The following SLK variants were observed in gnomAD, a reference collection of about 807,000 sequenced individuals.
SLK encodes the protein STE20 like kinase.
SLK carries 67 observed loss-of-function variants against 147.7 expected under a neutral mutation model. That is an observed-to-expected ratio of 0.45 (90% CI 0.37 to 0.56). The LOEUF (loss-of-function observed/expected upper bound fraction) is 0.56, where lower values mean the gene tolerates loss of function less well. Among genes scored for constraint, SLK ranks in the 20% least tolerant of loss-of-function variants. SLK has a pLI of 0.00. For missense variants in SLK, 1,136 were observed against 1,438.8 expected, an observed-to-expected ratio of 0.79 and a Z score of 3.41; for synonymous variants, 441 against 475.0, an observed-to-expected ratio of 0.93 and a Z score of 0.93.
intron 1 of SLK, among the ~76,000 whole-genome samples, chr10:103,979,394 C>A (rs1294567792): frequency 6.6e-6 from 1 of 152,156 alleles, no homozygotes; most frequent in South Asian, 2.1e-4. Context: ...TATAAAGTCT[C>A]TTAAAATTTT....
chr10:103,992,954 C>G (rs777341839), intron 3 of SLK, 30 bp from the exon 4 acceptor site: 1 of 1,549,270 alleles, frequency 6.5e-7, no homozygotes, highest in South Asian at 1.2e-5. Flanking sequence ...GTATAAAAAG[C>G]AGATTTTTTT....
Position 104,002,505 on chromosome 10 carries a change from G to A in SLK, c.1327G>A (p.Asp443Asn), listed in dbSNP as rs776323344. 2.8e-5 allele frequency: 45 copies of A among 1,612,734 alleles called. 1 individual carries two copies. The highest frequency in any genetic ancestry group is 1.6e-4 in the South Asian group (15 of 91,024). ...TGACACAGAAGACCAAGAAACTGTG[G>A]ACATTAATTCAGTCAGTGAAGGAAA... is the stretch of plus-strand genomic sequence containing the variant. ...LPDTEDQETV[D>N]INSVSEGKEN... Residue 443 changes from aspartate (D) to asparagine (N), a missense_variant, in exon 9 of 19, where the codon GAC (aspartate) becomes AAC (asparagine). Coordinates refer to ENST00000369755, the MANE Select transcript of SLK (RefSeq NM_014720.4).
chr10:103,972,121 T>G (rs1384443513), intron 1 of SLK, among the ~76,000 whole-genome samples: 1 of 152,250 alleles, frequency 6.6e-6, no homozygotes, highest in Non-Finnish European at 1.5e-5. Context: ...CACATAGAGC[T>G]GTAGTTCTTT....
rs969185444 is a variant in SLK at position 104,018,897 on chromosome 10, C to T, written c.3121C>T (p.Arg1041Cys). 18 of 1,590,914 alleles carry T rather than the reference C, an allele frequency of 1.1e-5. No individual in the cohort carries two copies. The highest frequency in any genetic ancestry group is 1.5e-5 in the Non-Finnish European group (18 of 1,171,984). The change falls in exon 15 of 19, where the codon CGC (arginine) becomes TGC (cysteine). Residue 1041 changes from arginine (R) to cysteine (C), a missense_variant. Physicochemically the swap from Arg to Cys is radical, Grantham distance 180. Around this residue, in one of 6 missense-constraint regions of SLK, gnomAD observed 327 missense variants for 457.5 expected, o/e 0.71. Coordinates refer to ENST00000369755, the MANE Select transcript of SLK (RefSeq NM_014720.4). ...YFMQRHQLLK[R>C]HEKETEQMQR... Reference sequence around the variant, plus strand: ...CATGCAAAGACATCAGCTACTTAAGCGCCACGAGAAGGTTAATGAAAGGAA... The same window carrying T: ...CATGCAAAGACATCAGCTACTTAAGTGCCACGAGAAGGTTAATGAAAGGAA...
rs1253575364 is a variant in SLK at position 104,002,967 on chromosome 10, A to C, written c.1789A>C (p.Thr597Pro). The C allele has an allele frequency of 6.2e-7, 1 of 1,613,480 alleles. No individual in the cohort carries two copies. Among genetic ancestry groups the C allele is most frequent in the Non-Finnish European group, 8.5e-7 (1 of 1,179,520 alleles). Residue 597 changes from threonine (T) to proline (P), a missense_variant, in exon 9 of 19, where the codon ACT becomes CCT. By Grantham distance (38) the Thr-to-Pro change is conservative. Transcript: ENST00000369755. Reference protein sequence around the residue: ...KPMVGPEAGGTKEVPIKEIVE... With the variant: ...KPMVGPEAGGPKEVPIKEIVE... ...CATGGTGGGTCCTGAGGCTGGTGGT[A>C]CTAAGGAAGTTCCTATTAAAGAAAT...
chr10:103,972,626 C>T (rs1843808667), intron 1 of SLK, among the ~76,000 whole-genome samples: 2 of 150,624 alleles, frequency 1.3e-5, no homozygotes, highest in Middle Eastern at 3.4e-3. Context: ...GAGCCGGGAT[C>T]GCACCACTGC....
At chr10:104,020,692 C>A in intron 17 of SLK, 79 bp downstream of exon 17, 4 of 1,448,416 alleles carry the variant, frequency 2.8e-6, no homozygotes, top group Non-Finnish European at 3.8e-6. Context: ...CAGTAGCTAG[C>A]CAAAGTCAAC....
At chr10:103,979,516 A>G (rs1843913688) in intron 1 of SLK, among the ~76,000 whole-genome samples, 3 of 152,236 alleles carry the variant, frequency 2.0e-5, no homozygotes, top group Admixed American at 6.5e-5. Flanking sequence ...CTAGCATACC[A>G]TATCTGATTT....
At chr10:103,992,494 A>G (rs1844110104) in intron 2 of SLK, 104 bp from the exon 3 acceptor site, 1 of 999,348 alleles carries the variant, frequency 1.0e-6, no homozygotes, top group African/African-American at 1.7e-5. Flanking sequence ...AGATTATTTG[A>G]TAGCTATTTC....
chr10:103,971,129 T>G (rs12251284), intron 1 of SLK, among the ~76,000 whole-genome samples: 2,741 of 152,312 alleles, frequency 0.018, 88 homozygotes, highest in African/African-American at 0.062. Flanking sequence ...ATTTAACAGT[T>G]ACTTCCTTGC....
intron 4 of SLK, among the ~76,000 whole-genome samples, chr10:103,998,550 C>T (rs368175540): frequency 9.9e-5 from 15 of 152,240 alleles, no homozygotes; most frequent in African/African-American, 3.4e-4. Flanking sequence ...ATGTTAATGA[C>T]TCTTAGTTTA....
chr10:104,013,085 T>A (rs763437325), intron 13 of SLK, among the ~76,000 whole-genome samples: 2 of 152,248 alleles, frequency 1.3e-5, no homozygotes, highest in African/African-American at 2.4e-5. Context: ...AGGAATTTAG[T>A]AATCTAACAA....
At chr10:104,023,999 C>T (rs947502769) in intron 18 of SLK, among the ~76,000 whole-genome samples, 3 of 152,140 alleles carry the variant, frequency 2.0e-5, no homozygotes, top group African/African-American at 4.8e-5. Context: ...CAGGCCCACT[C>T]ACTGCCAGAT....
At chr10:103,987,690 A>G (rs1052030702) in intron 1 of SLK, among the ~76,000 whole-genome samples, 5 of 152,230 alleles carry the variant, frequency 3.3e-5, no homozygotes, top group Non-Finnish European at 5.9e-5. Flanking sequence ...CAACCTAGTT[A>G]GCATTTTAAG....
chr10:104,024,528 C>T (rs1370952098), intron 18 of SLK, among the ~76,000 whole-genome samples: 1 of 152,228 alleles, frequency 6.6e-6, no homozygotes, highest in Admixed American at 6.5e-5. Flanking sequence ...CTCATACCAG[C>T]TCCTCGGCTT....
rs1843725326 is a variant in SLK at position 103,967,271 on chromosome 10, G to C, written c.-475G>C. 1 of 150,808 alleles carries C rather than the reference G, an allele frequency of 6.6e-6. No individual in the cohort carries two copies. Among genetic ancestry groups the C allele is most frequent in the African/African-American group, 2.4e-5 (1 of 41,294 alleles). 9.3% of individuals were successfully genotyped at this position (150,808 alleles called of 1,614,324 possible). A position where few individuals can be genotyped will look rare whatever the true frequency, so the allele number is the denominator to read the frequency against. ...CGCGGGAGCGGACGGCGGCGGAGGA[G>C]ACCCTAGGCTCGCGGCCCGAGGCGG... On this transcript the variant is annotated 5_prime_UTR_variant, in exon 1 of 19. Transcript: ENST00000369755.
intron 1 of SLK, among the ~76,000 whole-genome samples, chr10:103,983,667 GTTT>G (rs11327089): frequency 1.4e-5 from 2 of 145,074 alleles, no homozygotes; most frequent in Non-Finnish European, 1.5e-5. Flanking sequence ...CCTTGTAGAG[GTTT>G]TTTTTTTTTT....
chr10:103,982,493 A>G (rs1260291077), intron 1 of SLK, among the ~76,000 whole-genome samples: 1 of 152,248 alleles, frequency 6.6e-6, no homozygotes, highest in Non-Finnish European at 1.5e-5. Flanking sequence ...GGGAATGTGA[A>G]GAAAATATAA....
intron 7 of SLK, 118 bp downstream of exon 7, chr10:104,000,066 A>G (rs1844225489): frequency 2.1e-6 from 1 of 478,502 alleles, no homozygotes; most frequent in African/African-American, 2.0e-5. Flanking sequence ...AAATGGCAGT[A>G]GTTAACATTT....
Sources: allele counts gnomAD v4.1 joint callset (sites outside exome capture counted in the v4.1 genomes callset), GRCh38; gene constraint gnomAD v4.1.1; regional missense constraint gnomAD v4.1.1; transcripts MANE v1.5; gene names NCBI Gene and HGNC (gene_info 2026-07-23, HGNC 2026-07-21).